GRID2: variants seen among roughly 807,000 people sequenced by gnomAD.
The protein encoded by GRID2 is glutamate ionotropic receptor delta type subunit 2.
In GRID2, 33 loss-of-function variants were observed where a neutral mutation model predicts 114.8. The observed-to-expected ratio is 0.29, with a 90% CI of 0.22 to 0.38. The LOEUF (loss-of-function observed/expected upper bound fraction) is 0.38. GRID2 is among the 10% of genes least tolerant of loss of function. The pLI, the probability that GRID2 is intolerant of heterozygous loss-of-function variation, is 1.00. For synonymous variants in GRID2, 505 were observed against 449.9 expected, an observed-to-expected ratio of 1.12 and a Z score of -1.55; for missense variants, 1,184 against 1,257.7, an observed-to-expected ratio of 0.94 and a Z score of 0.89.
chr4:93,421,063 G>A (rs1171955519), intron 9 of GRID2, among the ~76,000 whole-genome samples: 9 of 152,120 alleles, frequency 5.9e-5, no homozygotes, highest in Admixed American at 5.9e-4. Context: ...GAGCCTTGGC[G>A]AGTTGGCCCA....
chr4:92,816,269 C>T (rs1361260608), intron 2 of GRID2, among the ~76,000 whole-genome samples: 1 of 145,384 alleles, frequency 6.9e-6, no homozygotes, highest in Non-Finnish European at 1.5e-5. Context: ...GAGCTGAAAT[C>T]GCACCATTGC....
intron 8 of GRID2, among the ~76,000 whole-genome samples, chr4:93,382,998 C>T (rs1579899030): frequency 6.6e-6 from 1 of 151,874 alleles, no homozygotes; most frequent in South Asian, 2.1e-4. Flanking sequence ...CTTCTCAAGT[C>T]TCTTTTGAGC....
At chr4:92,748,665 T>A (rs1737278883) in intron 2 of GRID2, among the ~76,000 whole-genome samples, 1 of 147,370 alleles carries the variant, frequency 6.8e-6, no homozygotes, top group Admixed American at 6.8e-5. Context: ...ATTATTATTA[T>A]TATTATTATT....
At chr4:93,345,859 G>A (rs1390155434) in intron 8 of GRID2, among the ~76,000 whole-genome samples, 1 of 152,100 alleles carries the variant, frequency 6.6e-6, no homozygotes. Flanking sequence ...TCATCTGCAT[G>A]TGGATATTCA....
At position 93,517,876 on chromosome 4, in the gene GRID2, G is replaced by C. The variant is rs998969724; in HGVS notation, c.2193+2465G>C. On this transcript the variant is annotated intron_variant, in intron 13 of 15. Coordinates refer to ENST00000282020, the MANE Select transcript of GRID2 (RefSeq NM_001510.4). ...GGCCACACTTCTTCTATAATATCTT[G>C]GGCAAGAATCCATATATATATATAT... Among the ~76,000 whole-genome samples, 3 of 149,674 alleles carry C rather than the reference G, an allele frequency of 2.0e-5. No homozygotes were observed. In the East Asian group the frequency reaches 6.0e-4, roughly 30 times the overall value.
At chr4:93,681,656 C>T (rs1271442725) in intron 14 of GRID2, among the ~76,000 whole-genome samples, 3 of 152,108 alleles carry the variant, frequency 2.0e-5, no homozygotes, top group Non-Finnish European at 4.4e-5. Flanking sequence ...CTTTGACAAA[C>T]CTGACAAAAA....
intron 2 of GRID2, among the ~76,000 whole-genome samples, chr4:92,665,776 T>C (rs949736934): frequency 6.6e-6 from 1 of 151,254 alleles, no homozygotes; most frequent in African/African-American, 2.4e-5. Flanking sequence ...CAGTTTCTGA[T>C]GAGAAATCTA....
intron 1 of GRID2, among the ~76,000 whole-genome samples, chr4:92,488,816 A>C (rs151286378): frequency 0.015 from 2,277 of 152,318 alleles, 24 homozygotes; most frequent in Non-Finnish European, 0.023. Context: ...CCATCTGTTT[A>C]AGAATGATCA....
chr4:92,941,885 G>A (rs1218766507), intron 2 of GRID2, among the ~76,000 whole-genome samples: 1 of 152,174 alleles, frequency 6.6e-6, no homozygotes, highest in African/African-American at 2.4e-5. Flanking sequence ...GGTTTTGAGT[G>A]ACTTTCTTCA....
intron 2 of GRID2, among the ~76,000 whole-genome samples, chr4:93,078,462 G>A (rs1326459529): frequency 1.3e-5 from 2 of 151,318 alleles, no homozygotes; most frequent in Non-Finnish European, 2.9e-5. Context: ...CCTGGTACTT[G>A]CCTGATATAG....
chr4:92,887,267 C>T (rs753972403), intron 2 of GRID2, among the ~76,000 whole-genome samples: 1 of 152,196 alleles, frequency 6.6e-6, no homozygotes, highest in Non-Finnish European at 1.5e-5. Flanking sequence ...GAGGGTGCCC[C>T]AACTCAGCGT....
intron 2 of GRID2, among the ~76,000 whole-genome samples, chr4:92,955,857 C>T (rs1263706141): frequency 6.6e-6 from 1 of 152,026 alleles, no homozygotes. Context: ...TTCCCAGCAC[C>T]ATTTATTAAA....
chr4:93,363,758 A>C (rs1352117692), intron 8 of GRID2, among the ~76,000 whole-genome samples: 1 of 152,034 alleles, frequency 6.6e-6, no homozygotes, highest in Admixed American at 6.6e-5. Flanking sequence ...TTCTTTGTGC[A>C]TGAAAATTAA....
At chr4:93,550,089 TA>T (rs1390705394) in intron 13 of GRID2, among the ~76,000 whole-genome samples, 2 of 152,016 alleles carry the variant, frequency 1.3e-5, no homozygotes, top group African/African-American at 4.8e-5. Flanking sequence ...CTCTTTCTGA[TA>T]TTTTTATTAT....
chr4:93,140,140 C>G (rs1319553204), intron 4 of GRID2, among the ~76,000 whole-genome samples: 1 of 149,096 alleles, frequency 6.7e-6, no homozygotes, highest in Non-Finnish European at 1.5e-5. Flanking sequence ...GAAACCATAT[C>G]ATTTTCTTTC....
intron 2 of GRID2, among the ~76,000 whole-genome samples, chr4:92,846,420 T>C (rs2149416669): frequency 6.6e-6 from 1 of 152,260 alleles, no homozygotes; most frequent in South Asian, 2.1e-4. Flanking sequence ...GAACATGAAG[T>C]ATTTGGTTTT....
intron 2 of GRID2, among the ~76,000 whole-genome samples, chr4:92,809,329 A>G: frequency 6.6e-6 from 1 of 151,984 alleles, no homozygotes; most frequent in Admixed American, 6.6e-5. Flanking sequence ...TTCTGAGGGA[A>G]CTATTGTCAA....
At chr4:92,512,448 T>C (rs1724300789) in intron 1 of GRID2, among the ~76,000 whole-genome samples, 1 of 151,898 alleles carries the variant, frequency 6.6e-6, no homozygotes, top group Non-Finnish European at 1.5e-5. Context: ...GCTTTCTCTA[T>C]GTCTGTCAGC....
At chr4:93,429,451 A>G (rs1440689606) in intron 10 of GRID2, among the ~76,000 whole-genome samples, 2 of 152,210 alleles carry the variant, frequency 1.3e-5, no homozygotes, top group Admixed American at 6.5e-5. Context: ...TGAAGAAAAA[A>G]GCTTGATGGT....
Sources: allele counts gnomAD v4.1 joint callset (sites outside exome capture counted in the v4.1 genomes callset), GRCh38; gene constraint gnomAD v4.1.1; transcripts MANE v1.5; gene names NCBI Gene and HGNC (gene_info 2026-07-23, HGNC 2026-07-21).